The following FBXO22 variants were observed in gnomAD, a reference collection of about 807,000 sequenced individuals.
FBXO22 encodes the protein F-box protein 22, also known as F-box only protein 22.
FBXO22 carries 13 observed loss-of-function variants against 37.2 expected under a neutral mutation model. The ratio of observed to expected loss-of-function variants is 0.35; its 90% CI spans 0.23 to 0.56. FBXO22 has a LOEUF of 0.56. Ranked by LOEUF, FBXO22 falls within the 20% of genes least tolerant of loss-of-function variation. FBXO22 has a pLI of 0.87. For missense variants in FBXO22, 446 were observed against 509.9 expected (o/e 0.87, Z 1.21); for synonymous variants, 189 against 189.1 (o/e 1.00, Z 0.00).
chr15:75,927,610 T>G (rs1900471548), intron 5 of FBXO22, among the ~76,000 whole-genome samples: 2 of 152,206 alleles, frequency 1.3e-5, no homozygotes, highest in African/African-American at 4.8e-5. Flanking sequence ...AGAAAATATA[T>G]TCTCTTAAAA....
intron 5 of FBXO22, among the ~76,000 whole-genome samples, chr15:75,918,230 TAGC>T (rs1014880827): frequency 3.3e-5 from 5 of 151,850 alleles, no homozygotes; most frequent in Non-Finnish European, 7.4e-5. Flanking sequence ...AAAAATTGTG[TAGC>T]AGCAAAGGTA....
chr15:75,927,031 C>G lies in FBXO22; in HGVS notation c.629-2853C>G, dbSNP rs370760274. On this transcript the variant is annotated intron_variant, in intron 5 of 6. Transcript: ENST00000308275. ...GATGTACATCTTAAAGGTTTTGAGG[C>G]CAGCAAAGATTTTCCTTATGAATGA... 7.2e-5 allele frequency among the ~76,000 whole-genome samples: 11 copies of G among 152,214 alleles called. No individual in the cohort carries two copies. The East Asian group carries it at 2.1e-3, about 29-fold the overall frequency.
In FBXO22 at chr15:75,940,132, TAATTC is replaced by T. The variant is rs1242259272; in HGVS notation, c.*7032_*7036del. 6.7e-6 allele frequency: 1 copy of T among 148,854 alleles called. No individual in the cohort carries two copies. The highest frequency in any genetic ancestry group is 1.5e-5 in the Non-Finnish European group (1 of 67,384). 9.2% of individuals were successfully genotyped at this position (148,854 alleles called of 1,614,324 possible). On this transcript the variant is annotated 3_prime_UTR_variant, in exon 7 of 7. Coordinates refer to ENST00000308275, the MANE Select transcript of FBXO22 (RefSeq NM_147188.3). ...CACACCAAAAAAAAAAAATAACTGT[TAATTC>T]AGTAAGGTAGCAGGATACAAAGTCA...
At position 75,935,365 on chromosome 15, in the gene FBXO22, A is replaced by AGG. The variant is rs1229827653; in HGVS notation, c.*2263_*2264insGG. On this transcript the variant is annotated 3_prime_UTR_variant, in exon 7 of 7. Coordinates refer to ENST00000308275, the MANE Select transcript of FBXO22 (RefSeq NM_147188.3). ...GCATAAAAAAGAGAAGTAAAGGTGT[A>AGG]CCATTAGCCTACATACTGAGCTGAC... 6.6e-6 allele frequency: 1 copy of AGG among 152,196 alleles called. No homozygotes were observed. The highest frequency in any genetic ancestry group is 1.5e-5 in the Non-Finnish European group (1 of 68,032). 9.4% of individuals were successfully genotyped at this position (152,196 alleles called of 1,614,324 possible).
rs951684389 is a variant in FBXO22 at position 75,936,011 on chromosome 15, T to A, written c.*2909T>A. On this transcript the variant is annotated 3_prime_UTR_variant, in exon 7 of 7. Coordinates refer to ENST00000308275, the MANE Select transcript of FBXO22 (RefSeq NM_147188.3). ...ACCGTGTTAGCCAAGATGGTCTCGA[T>A]CTCCTGACCTTGTGATCCGCCCGCC... 14 of 152,252 alleles carry A rather than the reference T, an allele frequency of 9.2e-5. No homozygotes were observed. Among genetic ancestry groups the A allele is most frequent in the African/African-American group, 3.4e-4 (14 of 41,542 alleles). 9.4% of individuals were successfully genotyped at this position (152,252 alleles called of 1,614,324 possible).
chr15:75,904,483 G>C lies in FBXO22; in HGVS notation c.141-8G>C. 1 of 1,613,802 alleles carries C rather than the reference G, an allele frequency of 6.2e-7. No homozygotes were observed. Among genetic ancestry groups the C allele is most frequent in the Non-Finnish European group, 8.5e-7 (1 of 1,179,860 alleles). On this transcript the variant is annotated splice_polypyrimidine_tract_variant and splice_region_variant and intron_variant, in intron 1 of 6. Transcript: ENST00000308275. ...CGTTCGCAATCCTTTGTGCGTTTGCGTCCTCAGCGTGTGCCGCTTATGGAG... is the reference window on the plus strand; with the variant it reads ...CGTTCGCAATCCTTTGTGCGTTTGCCTCCTCAGCGTGTGCCGCTTATGGAG...
Position 75,938,530 on chromosome 15 carries a change from A to C in FBXO22, c.*5428A>C, listed in dbSNP as rs2030602951. The C allele has an allele frequency of 6.6e-6, 1 of 152,228 alleles. No individual in the cohort carries two copies. The highest frequency in any genetic ancestry group is 1.5e-5 in the Non-Finnish European group (1 of 68,050). 9.4% of individuals were successfully genotyped at this position (152,228 alleles called of 1,614,324 possible). Reference sequence around the variant, plus strand: ...GAACTAAAGGAAAACATGAACAAAGAATTAAAGAAATCAGGAAAATGATAA... The same window carrying C: ...GAACTAAAGGAAAACATGAACAAAGCATTAAAGAAATCAGGAAAATGATAA... On this transcript the variant is annotated 3_prime_UTR_variant, in exon 7 of 7. Coordinates refer to ENST00000308275, the MANE Select transcript of FBXO22 (RefSeq NM_147188.3).
intron 5 of FBXO22, among the ~76,000 whole-genome samples, chr15:75,928,557 G>A (rs1443911195): frequency 6.6e-6 from 1 of 152,110 alleles, no homozygotes; most frequent in Non-Finnish European, 1.5e-5. Flanking sequence ...GCAAAGAGGG[G>A]CACAACAGAC....
intron 4 of FBXO22, among the ~76,000 whole-genome samples, chr15:75,916,674 T>A (rs1057225433): frequency 2.6e-5 from 4 of 152,184 alleles, no homozygotes; most frequent in African/African-American, 9.7e-5. Context: ...CAAACATATT[T>A]CCATGTCTAT....
intron 2 of FBXO22, 26 bp downstream of exon 2, chr15:75,904,655 A>G: frequency 6.4e-7 from 1 of 1,554,054 alleles, no homozygotes; most frequent in Non-Finnish European, 8.7e-7. Context: ...TGTCATGCAC[A>G]GTCATTTGCA....
intron 5 of FBXO22, among the ~76,000 whole-genome samples, chr15:75,919,793 C>T (rs988636950): frequency 1.3e-5 from 2 of 152,154 alleles, no homozygotes; most frequent in South Asian, 2.1e-4. Flanking sequence ...CATTCAGAAG[C>T]CACATGCCAG....
intron 2 of FBXO22, among the ~76,000 whole-genome samples, chr15:75,905,114 C>T (rs1375401264): frequency 1.3e-5 from 2 of 151,956 alleles, no homozygotes; most frequent in African/African-American, 2.4e-5. Context: ...TGAGCCACCG[C>T]GCCCGGCATG....
intron 5 of FBXO22, among the ~76,000 whole-genome samples, chr15:75,927,229 A>C (rs983994443): frequency 2.0e-5 from 3 of 152,204 alleles, no homozygotes; most frequent in African/African-American, 7.2e-5. Context: ...CTCTAGGCTA[A>C]ACTTTCCCTT....
chr15:75,940,677 A>G lies in FBXO22; in HGVS notation c.*7575A>G, dbSNP rs1423823406. The G allele has an allele frequency of 3.4e-4, 51 of 152,134 alleles. No individual in the cohort carries two copies. The highest frequency in any genetic ancestry group is 4.4e-5 in the Non-Finnish European group (3 of 67,992). The allele number at this position is 152,134 out of a possible 1,614,324, so 9.4% of individuals were successfully genotyped here. ...ATGGGATAGACTGGAGAACCTAGAA[A>G]TAAACCCTCTCATATGTAGGTAAAT... On this transcript the variant is annotated 3_prime_UTR_variant, in exon 7 of 7. Transcript: ENST00000308275.
chr15:75,904,060 G>T lies in FBXO22; in HGVS notation c.97G>T (p.Val33Leu). The T allele has an allele frequency of 6.4e-7, 1 of 1,557,094 alleles. No homozygotes were observed. The highest frequency in any genetic ancestry group is 8.7e-7 in the Non-Finnish European group (1 of 1,149,464). The part of the protein sequence containing the change: ...LSNLAEVVER[V>L]LTFLPAKALL... Reference sequence around the variant, plus strand: ...TAACCTGGCGGAGGTGGTGGAGCGTGTGCTCACCTTCCTGCCCGCCAAGGC... The same window carrying T: ...TAACCTGGCGGAGGTGGTGGAGCGTTTGCTCACCTTCCTGCCCGCCAAGGC... Residue 33 changes from valine to leucine, a missense_variant, in exon 1 of 7, where the codon GTG becomes TTG. This residue lies in a region of FBXO22 where 131 missense variants were observed against 99.8 expected (regional missense o/e 1.31). Transcript: ENST00000308275.
intron 5 of FBXO22, among the ~76,000 whole-genome samples, chr15:75,923,492 A>G (rs1216673451): frequency 3.3e-5 from 5 of 152,184 alleles, no homozygotes; most frequent in Admixed American, 6.5e-5. Flanking sequence ...TTGGCCTTCC[A>G]TATCCATGGG....
intron 4 of FBXO22, among the ~76,000 whole-genome samples, chr15:75,916,691 A>G (rs1900198380): frequency 1.3e-5 from 2 of 152,212 alleles, no homozygotes; most frequent in South Asian, 4.1e-4. Context: ...CTATAAATAT[A>G]TATTTGTCAT....
intron 5 of FBXO22, among the ~76,000 whole-genome samples, chr15:75,926,369 C>G (rs551368126): frequency 1.3e-5 from 2 of 152,242 alleles, no homozygotes; most frequent in African/African-American, 4.8e-5. Context: ...TGTTATTTAC[C>G]GGTAGCACCA....
intron 5 of FBXO22, among the ~76,000 whole-genome samples, chr15:75,918,798 C>G (rs562450942): frequency 2.6e-5 from 4 of 152,096 alleles, no homozygotes; most frequent in Admixed American, 6.5e-5. Context: ...AAATGTTGCT[C>G]TCATAGAAAT....
Sources: allele counts gnomAD v4.1 joint callset (sites outside exome capture counted in the v4.1 genomes callset), GRCh38; gene constraint gnomAD v4.1.1; regional missense constraint gnomAD v4.1.1; transcripts MANE v1.5; gene names NCBI Gene and HGNC (gene_info 2026-07-23, HGNC 2026-07-21).